The following ELN variants were observed in gnomAD, a reference collection of about 807,000 sequenced individuals.
ELN encodes elastin.
In ELN, 65 loss-of-function variants were observed where a neutral mutation model predicts 105.8. That is an observed-to-expected ratio of 0.61 (90% confidence interval 0.50 to 0.75). ELN has a LOEUF of 0.75. Ranked by LOEUF, ELN falls within the 30% of genes least tolerant of loss-of-function variation. The pLI is 0.00. For missense variants in ELN, 882 were observed against 969.4 expected (o/e 0.91, Z 1.20); for synonymous variants, 368 against 389.2 (o/e 0.95, Z 0.64).
At position 74,063,740 on chromosome 7, in the gene ELN, G is replaced by A. The variant is rs1260492369; in HGVS notation, c.1993+45G>A. The A allele has an allele frequency of 6.2e-7, 1 of 1,612,400 alleles. No homozygotes were observed. Among genetic ancestry groups the A allele is most frequent in the African/African-American group, 1.3e-5 (1 of 74,946 alleles). On this transcript the variant is annotated intron_variant, in intron 29 of 32. Coordinates refer to ENST00000252034, the MANE Select transcript of ELN (RefSeq NM_000501.4). The surrounding 1 kb of genome is among the most constrained non-coding windows in gnomAD (Gnocchi z 4.1). ...CAGTGAGTGTGTGTGGTGTGTGTAT[G>A]CGAGACAGAGATGGAGACAGAGACA...
At chr7:74,036,506 C>G in intron 2 of ELN, 49 bp from the exon 3 acceptor site, 1 of 1,612,214 alleles carries the variant, frequency 6.2e-7, no homozygotes, top group South Asian at 1.1e-5. Context: ...AGCGGGCTTG[C>G]CTGGCAGAAG....
Position 74,056,451 on chromosome 7 carries a change from A to T in ELN, c.1315+16A>T, listed in dbSNP as rs782322840. The T allele has an allele frequency of 6.2e-6, 10 of 1,613,136 alleles. No homozygotes were observed. The highest frequency in any genetic ancestry group is 8.5e-6 in the Non-Finnish European group (10 of 1,179,454). On this transcript the variant is annotated intron_variant, in intron 20 of 32. Coordinates refer to ENST00000252034, the MANE Select transcript of ELN (RefSeq NM_000501.4). ...GGCATTTCCCGTGAGCCTTAGTCAC[A>T]CCTGGGGACATGGGTTGAGAAGGGA...
At chr7:74,060,835 G>A (rs899420854) in intron 25 of ELN, among the ~76,000 whole-genome samples, 7 of 152,340 alleles carry the variant, frequency 4.6e-5, no homozygotes, top group Non-Finnish European at 8.8e-5. Context: ...GGACCACTAG[G>A]AACTCCAGTT....
Position 74,051,916 on chromosome 7 carries a change from G to A in ELN, c.890-8G>A, listed in dbSNP as rs782279631. On this transcript the variant is annotated splice_region_variant and splice_polypyrimidine_tract_variant and intron_variant, in intron 16 of 32. Transcript: ENST00000252034. ...CAAGGACCTCACCCTCTGTGGCTGT[G>A]TTTTCAGGCGTTGGGACTCCAGCTG... 1.4e-5 allele frequency: 23 copies of A among 1,614,008 alleles called. No individual in the cohort carries two copies. Among genetic ancestry groups the A allele is most frequent in the East Asian group, 8.9e-5 (4 of 44,860 alleles).
intron 15 of ELN, among the ~76,000 whole-genome samples, chr7:74,050,289 CCATCCATTCCTCCATG>C (rs1385665042): frequency 4.6e-5 from 7 of 151,620 alleles, no homozygotes; most frequent in African/African-American, 1.2e-4. Context: ...ATCCACTCAT[CCATCCATTCCTCCATG>C]CATCCATTCC....
intron 8 of ELN, chr7:74,043,500 C>T (rs1470945426): frequency 1.8e-5 from 12 of 682,166 alleles, no homozygotes; most frequent in East Asian, 1.7e-4. Flanking sequence ...GGGGGAGCCC[C>T]GTGTCCTCTG....
chr7:74,035,295 C>A, intron 1 of ELN, 69 bp from the exon 2 acceptor site: 2 of 1,545,216 alleles, frequency 1.3e-6, no homozygotes, highest in Non-Finnish European at 1.8e-6. Flanking sequence ...TGGCAAAAAT[C>A]GCAGTTACTT....
In ELN at chr7:74,048,484, C is replaced by T. The variant is rs781784817; in HGVS notation, c.746-19C>T. On this transcript the variant is annotated intron_variant, in intron 14 of 32. Coordinates refer to ENST00000252034, the MANE Select transcript of ELN (RefSeq NM_000501.4). ...GGAGCACTGTTTCAAGGTCTCTCCC[C>T]TCTGCTTCCTTCCCCCAGGGGTTGG... is the stretch of plus-strand genomic sequence containing the variant. The T allele has an allele frequency of 1.2e-5, 19 of 1,613,952 alleles. No homozygotes were observed. Among genetic ancestry groups the T allele is most frequent in the Non-Finnish European group, 1.5e-5 (18 of 1,179,964 alleles).
rs533779578 is a variant in ELN at position 74,069,336 on chromosome 7, G to A, written c.*636G>A. 10 of 235,534 alleles carry A rather than the reference G, an allele frequency of 4.2e-5. No individual in the cohort carries two copies. The South Asian group carries it at 1.6e-3, about 38-fold the overall frequency. 14.6% of individuals were successfully genotyped at this position (235,534 alleles called of 1,614,324 possible). On this transcript the variant is annotated 3_prime_UTR_variant, in exon 33 of 33. Coordinates refer to ENST00000252034, the MANE Select transcript of ELN (RefSeq NM_000501.4). The stretch of plus-strand genomic sequence containing the variant: ...CACCTTGCCCTTGTAGAATCCATCC[G>A]CCCATCCGTCCATTCATCCATCGGT...
Position 74,063,063 on chromosome 7 carries a change from C to A in ELN, c.1787-90C>A. ...TGCTCCTCCACAGTGTCACATGGCC[C>A]CTGCCACCTGTCTGCTTGCCTTGTG... On this transcript the variant is annotated intron_variant, in intron 26 of 32. Transcript: ENST00000252034. The surrounding 1 kb of genome is among the most constrained non-coding windows in gnomAD (Gnocchi z 4.1). The A allele has an allele frequency of 6.7e-7, 1 of 1,490,458 alleles. No individual in the cohort carries two copies. Among genetic ancestry groups the A allele is most frequent in the Non-Finnish European group, 9.1e-7 (1 of 1,096,058 alleles). 92.3% of individuals were successfully genotyped at this position (1,490,458 alleles called of 1,614,324 possible).
chr7:74,051,539 T>C (rs1563817821), intron 15 of ELN, among the ~76,000 whole-genome samples: 2 of 152,172 alleles, frequency 1.3e-5, no homozygotes, highest in Non-Finnish European at 2.9e-5. Flanking sequence ...TACAAGTCCC[T>C]TAATGAGTGT....
chr7:74,030,465 A>T (rs1554661567), intron 1 of ELN, among the ~76,000 whole-genome samples: 3 of 142,024 alleles, frequency 2.1e-5, no homozygotes, highest in Non-Finnish European at 3.1e-5. Flanking sequence ...AGTATCAGGG[A>T]TTTTTTTTTT....
rs1301617317 is a variant in ELN at position 74,046,889 on chromosome 7, GC to G, written c.643+124del. The G allele has an allele frequency of 6.1e-6, 7 of 1,145,766 alleles. No individual in the cohort carries two copies. In the African/African-American group the frequency reaches 1.1e-4, roughly 17 times the overall value. 71.0% of individuals were successfully genotyped at this position (1,145,766 alleles called of 1,614,324 possible). A position where few individuals can be genotyped will look rare whatever the true frequency, so the allele number is the denominator to read the frequency against. On this transcript the variant is annotated intron_variant, in intron 12 of 32. Transcript: ENST00000252034. ...ACTTGAGGTCAGGAGTTCAAGACTA[GC>G]CTGGCCAACATGGCAAAACCCCGTC... is the stretch of plus-strand genomic sequence containing the variant.
intron 26 of ELN, among the ~76,000 whole-genome samples, chr7:74,061,919 C>T (rs810555): frequency 0.11 from 17,093 of 152,148 alleles, 1,219 homozygotes; most frequent in Middle Eastern, 0.17. Context: ...CTGCCTCCAC[C>T]CCAGCTCTCT....
chr7:74,062,766 G>C (rs1302422414), intron 26 of ELN, among the ~76,000 whole-genome samples: 1 of 152,136 alleles, frequency 6.6e-6, no homozygotes, highest in Non-Finnish European at 1.5e-5. Context: ...GGCCAGGCTG[G>C]TCTCAAACTC....
chr7:74,057,544 T>C (rs1424776295), intron 21 of ELN, 96 bp from the exon 22 acceptor site: 22 of 1,606,594 alleles, frequency 1.4e-5, no homozygotes, highest in Admixed American at 8.4e-5. Context: ...CAAGGTCGAC[T>C]GCACCATTTT....
intron 1 of ELN, among the ~76,000 whole-genome samples, chr7:74,034,109 C>A (rs914458935): frequency 6.6e-6 from 1 of 152,214 alleles, no homozygotes; most frequent in African/African-American, 2.4e-5. Flanking sequence ...CCTGCGGCCC[C>A]GGCGCCTCCT....
In ELN at chr7:74,063,980, G is replaced by A. The variant is rs1554687186; in HGVS notation, c.1993+285G>A. On this transcript the variant is annotated intron_variant, in intron 29 of 32. Transcript: ENST00000252034. This position sits in a 1 kb window ranked among gnomAD's most constrained non-coding sequence, Gnocchi z 4.1. ...AAGCCGGGCGTGGTGGTGGGCACCT[G>A]TATTTCCAGCTACTTGAGAGGCTGA... 6.6e-6 allele frequency among the ~76,000 whole-genome samples: 1 copy of A among 152,036 alleles called. No homozygotes were observed. Among genetic ancestry groups the A allele is most frequent in the Admixed American group, 6.6e-5 (1 of 15,244 alleles).
rs1554677339 is a variant in ELN, at chr7:74,053,226, G to A, written c.1013G>A (p.Gly338Glu). Residue 338 changes from glycine to glutamate, a missense_variant, in exon 18 of 33, where the codon GGA becomes GAA. Transcript: ENST00000252034. ...GGCCCGGGAGTAGTTGGTGTCCCAG[G>A]AGCTGGCGTTCCAGGTGTTGGTGTC... is the stretch of plus-strand genomic sequence containing the variant. ...GFGPGVVGVP[G>E]AGVPGVGVPG... 3.1e-6 allele frequency: 5 copies of A among 1,614,142 alleles called. No homozygotes were observed. Among genetic ancestry groups the A allele is most frequent in the Admixed American group, 3.3e-5 (2 of 60,014 alleles).
Sources: allele counts gnomAD v4.1 joint callset (sites outside exome capture counted in the v4.1 genomes callset), GRCh38; gene constraint gnomAD v4.1.1; non-coding constraint Gnocchi (gnomAD v3.1); transcripts MANE v1.5; gene names NCBI Gene and HGNC (gene_info 2026-07-23, HGNC 2026-07-21).